The following RORA variants were observed in gnomAD, a reference collection of about 807,000 sequenced individuals.
RORA encodes nuclear receptor ROR-alpha.
Under a neutral mutation model 69.5 loss-of-function variants are expected in RORA, and 7 were observed. The ratio of observed to expected loss-of-function variants is 0.10; its 90% CI spans 0.06 to 0.19. The LOEUF (loss-of-function observed/expected upper bound fraction) is 0.19. Ranked by LOEUF, RORA falls within the 10% of genes least tolerant of loss-of-function variation. The pLI is 1.00. For missense variants in RORA, 457 were observed against 663.0 expected (o/e 0.69, Z 3.41); for synonymous variants, 261 against 240.8 (o/e 1.08, Z -0.78).
intron 2 of RORA, among the ~76,000 whole-genome samples, chr15:60,626,840 T>C (rs1406960754): frequency 6.6e-6 from 1 of 152,184 alleles, no homozygotes; most frequent in African/African-American, 2.4e-5. Context: ...CTCACCACCA[T>C]TGGGCTCATT....
intron 1 of RORA, among the ~76,000 whole-genome samples, chr15:60,680,255 G>GT (rs929665887): frequency 6.6e-6 from 1 of 152,160 alleles, no homozygotes; most frequent in African/African-American, 2.4e-5. Context: ...TGAAGAGAAA[G>GT]TGCTTAGGCT....
intron 1 of RORA, among the ~76,000 whole-genome samples, chr15:61,069,720 A>G (rs922538789): frequency 6.1e-5 from 4 of 65,096 alleles, no homozygotes; most frequent in African/African-American, 1.2e-4. Flanking sequence ...TTGCTTGAGG[A>G]AAAAAAAAAG....
rs78318854 is a variant in RORA at position 61,052,440 on chromosome 15, G to A, written c.166+176613C>T. Reference sequence around the variant, plus strand: ...CAGTGGTGCCACTGACACTGCTTTCGCGTAGTGGTTCTAGTATCGTACGAT... The same window carrying A: ...CAGTGGTGCCACTGACACTGCTTTCACGTAGTGGTTCTAGTATCGTACGAT... On this transcript the variant is annotated intron_variant, in intron 1 of 10. Coordinates refer to ENST00000335670, the MANE Select transcript of RORA (RefSeq NM_134261.3). 2.3e-3 allele frequency among the ~76,000 whole-genome samples: 347 copies of A among 152,298 alleles called. 3 individuals carry two copies. Among genetic ancestry groups the A allele is most frequent in the African/African-American group, 8.0e-3 (334 of 41,566 alleles).
intron 1 of RORA, among the ~76,000 whole-genome samples, chr15:60,734,380 T>C (rs2071471541): frequency 1.3e-5 from 2 of 151,692 alleles, no homozygotes; most frequent in African/African-American, 4.9e-5. Flanking sequence ...GGAGCTCCAC[T>C]GAAAAAACAG....
intron 1 of RORA, among the ~76,000 whole-genome samples, chr15:60,997,082 C>G (rs1894574959): frequency 6.6e-6 from 1 of 150,500 alleles, no homozygotes; most frequent in Admixed American, 6.6e-5. Context: ...TACTGCTATT[C>G]TTATAAACTG....
intron 1 of RORA, among the ~76,000 whole-genome samples, chr15:61,183,310 A>T (rs969206317): frequency 2.6e-5 from 4 of 152,214 alleles, no homozygotes; most frequent in Non-Finnish European, 5.9e-5. Flanking sequence ...CAAAGTGGGC[A>T]GATCACCTGA....
intron 1 of RORA, among the ~76,000 whole-genome samples, chr15:60,727,582 G>C (rs1302670550): frequency 6.6e-6 from 1 of 152,162 alleles, no homozygotes; most frequent in Non-Finnish European, 1.5e-5. Flanking sequence ...AATGCAGACA[G>C]TTATAGATTT....
At chr15:61,143,241 T>A (rs1304364036) in intron 1 of RORA, among the ~76,000 whole-genome samples, 1 of 151,902 alleles carries the variant, frequency 6.6e-6, no homozygotes, top group Admixed American at 6.6e-5. Context: ...GGCATATATT[T>A]AAAAAAATAA....
At chr15:60,526,074 G>C (rs1041135557) in intron 3 of RORA, among the ~76,000 whole-genome samples, 29 of 152,180 alleles carry the variant, frequency 1.9e-4, no homozygotes, top group Non-Finnish European at 3.5e-4. Flanking sequence ...AGGAAAAAAA[G>C]TTGTTCTTTA....
At chr15:61,055,607 G>A (rs561893129) in intron 1 of RORA, among the ~76,000 whole-genome samples, 118 of 152,276 alleles carry the variant, frequency 7.7e-4, no homozygotes, top group Non-Finnish European at 1.2e-3. Flanking sequence ...TTAGCAAAAC[G>A]GAGGCTGCTT....
intron 1 of RORA, among the ~76,000 whole-genome samples, chr15:61,100,841 C>T (rs1172922933): frequency 6.6e-6 from 1 of 152,152 alleles, no homozygotes; most frequent in African/African-American, 2.4e-5. Flanking sequence ...AATCACATCC[C>T]CGGTATGTTG....
At chr15:61,091,589 A>C (rs1472814497) in intron 1 of RORA, among the ~76,000 whole-genome samples, 2 of 152,148 alleles carry the variant, frequency 1.3e-5, no homozygotes, top group Non-Finnish European at 2.9e-5. Context: ...GGACTAGATA[A>C]ATTATTCCAC....
intron 1 of RORA, among the ~76,000 whole-genome samples, chr15:60,780,385 TAGA>T (rs2072236111): frequency 1.3e-5 from 2 of 152,296 alleles, no homozygotes; most frequent in Admixed American, 1.3e-4. Flanking sequence ...GAGCCCAGTG[TAGA>T]CAGTGAACAT....
chr15:61,052,185 T>G (rs930849882), intron 1 of RORA, among the ~76,000 whole-genome samples: 2 of 152,202 alleles, frequency 1.3e-5, no homozygotes, highest in African/African-American at 4.8e-5. Flanking sequence ...GATCAGTGTT[T>G]TCATTTAATA....
At chr15:60,601,328 A>G (rs1481309958) in intron 2 of RORA, among the ~76,000 whole-genome samples, 1 of 152,214 alleles carries the variant, frequency 6.6e-6, no homozygotes, top group Non-Finnish European at 1.5e-5. Context: ...ATGAGGAAAC[A>G]TACTGTACAT....
At chr15:60,790,867 T>C (rs375161451) in intron 1 of RORA, among the ~76,000 whole-genome samples, 10 of 152,208 alleles carry the variant, frequency 6.6e-5, no homozygotes, top group Non-Finnish European at 1.0e-4. Flanking sequence ...AGGTACCAGA[T>C]GGTTCCAGGG....
chr15:61,115,101 G>A (rs1281427088), intron 1 of RORA, among the ~76,000 whole-genome samples: 1 of 152,176 alleles, frequency 6.6e-6, no homozygotes, highest in Non-Finnish European at 1.5e-5. Context: ...CCCCAGTGAA[G>A]CCTAGAGGAC....
chr15:60,984,032 C>T (rs1002197473), intron 1 of RORA, among the ~76,000 whole-genome samples: 3 of 152,036 alleles, frequency 2.0e-5, no homozygotes, highest in Non-Finnish European at 4.4e-5. Flanking sequence ...TTTTTAACTC[C>T]TAAATACTCC....
intron 2 of RORA, among the ~76,000 whole-genome samples, chr15:60,547,393 G>A (rs924738316): frequency 2.7e-5 from 4 of 150,024 alleles, no homozygotes; most frequent in African/African-American, 7.4e-5. Context: ...GCGTGATCTC[G>A]GCTCACTGCA....
Sources: allele counts gnomAD v4.1 joint callset (sites outside exome capture counted in the v4.1 genomes callset), GRCh38; gene constraint gnomAD v4.1.1; transcripts MANE v1.5; gene names NCBI Gene and HGNC (gene_info 2026-07-23, HGNC 2026-07-21).